WDR27: variants seen among roughly 807,000 people sequenced by gnomAD.
WDR27 encodes the protein WD repeat domain 27, also known as WD repeat-containing protein 27.
Under a neutral mutation model 114.4 loss-of-function variants are expected in WDR27, and 100 were observed. The ratio of observed to expected loss-of-function variants is 0.87; its 90% CI spans 0.74 to 1.03. The LOEUF (loss-of-function observed/expected upper bound fraction) is 1.03, where lower values mean the gene tolerates loss of function less well. Among genes scored for constraint, WDR27 ranks in the 50% least tolerant of loss-of-function variants. The pLI is 0.00. For synonymous variants in WDR27, 449 were observed against 423.1 expected, an observed-to-expected ratio of 1.06 and a Z score of -0.75; for missense variants, 1,129 against 1,092.9, an observed-to-expected ratio of 1.03 and a Z score of -0.47.
chr6:169,675,719 G>A (rs1434903130), intron 2 of WDR27, among the ~76,000 whole-genome samples: 1 of 152,150 alleles, frequency 6.6e-6, no homozygotes, highest in Non-Finnish European at 1.5e-5. Context: ...GAGATCGATA[G>A]GAATATTCAG....
At chr6:169,440,270 G>A in the WDR27 span, among the ~76,000 whole-genome samples, 707 of 152,192 alleles carry the variant, frequency 4.6e-3, 7 homozygotes, top group African/African-American at 0.016. Context: ...CTGTAGGCTG[G>A]ACAGGATACT....
chr6:169,583,987 T>G (rs1208238848), intron 23 of WDR27, among the ~76,000 whole-genome samples: 1 of 152,148 alleles, frequency 6.6e-6, no homozygotes, highest in Admixed American at 6.5e-5. Context: ...ACTTGAGCAC[T>G]CATGTTGCAC....
chr6:169,692,587 T>C (rs1479810895), intron 1 of WDR27, among the ~76,000 whole-genome samples: 1 of 152,198 alleles, frequency 6.6e-6, no homozygotes, highest in Non-Finnish European at 1.5e-5. Flanking sequence ...CTGGTGCTGT[T>C]AGCTGGGCAC....
At chr6:169,624,522 T>A (rs1380338164) in intron 21 of WDR27, among the ~76,000 whole-genome samples, 1 of 152,002 alleles carries the variant, frequency 6.6e-6, no homozygotes, top group African/African-American at 2.4e-5. Flanking sequence ...CCTGGTGCCA[T>A]CCCCGATCCC....
In WDR27 at chr6:169,696,509, G is replaced by A. The variant is rs115197715; in HGVS notation, c.-8+5042C>T. ...ATATAAAAAGCTGTCCGATCAAAAC[G>A]GGTTTGGTGAAAGGTTTGGGGTCAG... On this transcript the variant is annotated intron_variant, in intron 1 of 25. Coordinates refer to ENST00000448612, the MANE Select transcript of WDR27 (RefSeq NM_182552.5). Among the ~76,000 whole-genome samples, 299 of 152,304 alleles carry A rather than the reference G, an allele frequency of 2.0e-3. 3 individuals carry two copies. Among genetic ancestry groups the A allele is most frequent in the Middle Eastern group, 0.014 (4 of 294 alleles).
intron 25 of WDR27, among the ~76,000 whole-genome samples, chr6:169,519,908 C>T (rs2997890): frequency 0.89 from 134,615 of 151,966 alleles, 60,709 homozygotes; most frequent in Non-Finnish European, 0.94. Context: ...CATGGAAAAT[C>T]TCCCCCCAAC....
At chr6:169,657,286 CAA>C (rs1171171373) in intron 13 of WDR27, among the ~76,000 whole-genome samples, 2 of 152,210 alleles carry the variant, frequency 1.3e-5, no homozygotes, top group Non-Finnish European at 2.9e-5. Context: ...GGCCTGATTT[CAA>C]AAAGTCTGGT....
chr6:169,652,531 G>A (rs960034627), intron 13 of WDR27, among the ~76,000 whole-genome samples: 3 of 152,270 alleles, frequency 2.0e-5, no homozygotes, highest in Non-Finnish European at 4.4e-5. Flanking sequence ...ACAGGCGTGA[G>A]CCACTATGCC....
chr6:169,688,220 C>A (rs188506787), intron 2 of WDR27, among the ~76,000 whole-genome samples: 1 of 152,210 alleles, frequency 6.6e-6, no homozygotes, highest in East Asian at 1.9e-4. Context: ...AAATGAACAA[C>A]ATGGATGAAC....
At chr6:169,428,396 G>C in the WDR27 span, among the ~76,000 whole-genome samples, 2 of 152,106 alleles carry the variant, frequency 1.3e-5, no homozygotes, top group Admixed American at 1.3e-4. Context: ...TTTAGTTATG[G>C]AATCTTAACA....
the WDR27 span, among the ~76,000 whole-genome samples, chr6:169,445,768 G>A: frequency 1.3e-5 from 2 of 152,244 alleles, no homozygotes; most frequent in African/African-American, 4.8e-5. Flanking sequence ...CGGAGGTCTG[G>A]CAGCACATCC....
chr6:169,450,088 T>C, the WDR27 span, among the ~76,000 whole-genome samples: 1 of 152,236 alleles, frequency 6.6e-6, no homozygotes, highest in South Asian at 2.1e-4. Flanking sequence ...ATTAGAGATA[T>C]GGCCTCTGAC....
chr6:169,669,496 A>G (rs1034170708), intron 4 of WDR27: 2 of 152,126 alleles, frequency 1.3e-5, no homozygotes. Context: ...AAACACTAAC[A>G]GTTTTCTGCT....
intron 1 of WDR27, among the ~76,000 whole-genome samples, chr6:169,689,946 C>T (rs1373835395): frequency 6.6e-6 from 1 of 152,132 alleles, no homozygotes; most frequent in African/African-American, 2.4e-5. Context: ...GAGGATCCAC[C>T]CATGCGGCCC....
chr6:169,620,017 A>AT (rs1812732916), intron 21 of WDR27, among the ~76,000 whole-genome samples: 2 of 152,322 alleles, frequency 1.3e-5, no homozygotes, highest in African/African-American at 4.8e-5. Flanking sequence ...ATGTTATGCC[A>AT]GAGCCAGGTT....
At chr6:169,572,058 A>T (rs1801513367) in intron 25 of WDR27, among the ~76,000 whole-genome samples, 1 of 152,176 alleles carries the variant, frequency 6.6e-6, no homozygotes, top group South Asian at 2.1e-4. Flanking sequence ...GGCCTAAGGT[A>T]ATCAGAATAA....
chr6:169,605,835 C>G (rs1235110849), intron 22 of WDR27, among the ~76,000 whole-genome samples: 2 of 151,950 alleles, frequency 1.3e-5, no homozygotes, highest in Admixed American at 1.3e-4. Context: ...TCTTTGAAAG[C>G]TGACAAAATC....
At chr6:169,482,088 G>A (rs1255419155) in intron 25 of WDR27, among the ~76,000 whole-genome samples, 1 of 152,236 alleles carries the variant, frequency 6.6e-6, no homozygotes, top group Non-Finnish European at 1.5e-5. Flanking sequence ...TAAGGATAGT[G>A]GCCTCCAGCT....
chr6:169,661,790 AAAGC>A (rs1262525415), intron 9 of WDR27, among the ~76,000 whole-genome samples: 1 of 152,260 alleles, frequency 6.6e-6, no homozygotes, highest in Non-Finnish European at 1.5e-5. Context: ...AAGGCCATTC[AAAGC>A]AAGGTTGCCC....
Sources: gnomAD v4.1 joint callset for allele counts (sites outside exome capture counted in the v4.1 genomes callset) on GRCh38, gnomAD v4.1.1 for gene constraint, MANE v1.5 for transcripts, NCBI Gene and HGNC (gene_info 2026-07-23, HGNC 2026-07-21) for gene names.